ZNF474: variants seen among roughly 807,000 people sequenced by gnomAD.
ZNF474 encodes 4933409D10Rik.
For missense variants in ZNF474, 511 were observed against 433.8 expected (o/e 1.18, Z -1.58); for synonymous variants, 192 against 162.2 (o/e 1.18, Z -1.39).
At chr5:122,134,404 T>G (rs76932768) in intron 1 of ZNF474, among the ~76,000 whole-genome samples, 1,572 of 152,316 alleles carry the variant, frequency 0.01, 27 homozygotes, top group African/African-American at 0.036. Flanking sequence ...TCACATTGAT[T>G]AATAACTTGA....
intron 1 of ZNF474, among the ~76,000 whole-genome samples, chr5:122,142,785 G>T (rs142242803): frequency 6.6e-6 from 1 of 152,120 alleles, no homozygotes; most frequent in African/African-American, 2.4e-5. Context: ...TGAGAGATGT[G>T]GGGAGAACAG....
At chr5:122,136,769 C>A (rs1307342113) in intron 1 of ZNF474, among the ~76,000 whole-genome samples, 1 of 152,148 alleles carries the variant, frequency 6.6e-6, no homozygotes, top group African/African-American at 2.4e-5. Context: ...TGTCTGATAA[C>A]ACTTCTTTTC....
At chr5:122,132,750 C>A (rs1337695333) in intron 1 of ZNF474, among the ~76,000 whole-genome samples, 3 of 152,128 alleles carry the variant, frequency 2.0e-5, no homozygotes, top group Admixed American at 6.6e-5. Context: ...TTTCCTCTCT[C>A]CATTGAATTG....
chr5:122,152,007 A>G lies in ZNF474; in HGVS notation c.17A>G (p.Lys6Arg), dbSNP rs1432158751. The G allele has an allele frequency of 2.5e-6, 4 of 1,609,462 alleles. No homozygotes were observed. The highest frequency in any genetic ancestry group is 1.7e-5 in the Admixed American group (1 of 58,840). ...TCTTTGTTAATGGAAAGAGGAAAGA[A>G]GAAAAGAATTTCCAATAAGTTACAA... MERGK[K>R]KRISNKLQQT... Residue 6 changes from lysine (K) to arginine (R), a missense_variant, in exon 2 of 2, where the codon AAG becomes AGG. Lys to Arg is a conservative substitution (Grantham distance 26). Coordinates refer to ENST00000296600, the MANE Select transcript of ZNF474 (RefSeq NM_207317.3).
At chr5:122,136,897 G>C (rs890299128) in intron 1 of ZNF474, among the ~76,000 whole-genome samples, 5 of 152,090 alleles carry the variant, frequency 3.3e-5, no homozygotes, top group Admixed American at 2.6e-4. Flanking sequence ...AATTTATTTT[G>C]TTATGACCTA....
chr5:122,146,992 C>G (rs900047926), intron 1 of ZNF474, among the ~76,000 whole-genome samples: 7 of 152,150 alleles, frequency 4.6e-5, no homozygotes, highest in African/African-American at 1.7e-4. Context: ...AAAGTTGGGG[C>G]TCTATTAATT....
intron 1 of ZNF474, among the ~76,000 whole-genome samples, chr5:122,131,914 G>A (rs1470060184): frequency 2.6e-5 from 4 of 151,920 alleles, no homozygotes; most frequent in Non-Finnish European, 5.9e-5. Flanking sequence ...AAAATTTGAT[G>A]AGTTTTGACA....
chr5:122,138,475 T>G (rs1373161265), intron 1 of ZNF474, among the ~76,000 whole-genome samples: 1 of 152,160 alleles, frequency 6.6e-6, no homozygotes, highest in African/African-American at 2.4e-5. Flanking sequence ...GTTATTTTAG[T>G]GAAATTATTG....
intron 1 of ZNF474, among the ~76,000 whole-genome samples, chr5:122,131,344 A>AAG (rs1458813077): frequency 1.3e-5 from 2 of 151,166 alleles, no homozygotes; most frequent in Non-Finnish European, 3.0e-5. Flanking sequence ...TAGTATATTA[A>AAG]AGAGATATCT....
In ZNF474 at chr5:122,152,238, G is replaced by GC. The variant is rs571187077; in HGVS notation, c.254dup (p.Val86CysfsTer28). On this transcript the variant is annotated frameshift_variant, in exon 2 of 2. Transcript: ENST00000296600. LOFTEE classifies it low-confidence loss of function (END_TRUNC). The stretch of plus-strand genomic sequence containing the variant: ...AGAATTATATCGGAAAGCCAGCTTA[G>GC]CCCCCCTGTGATCCCGGCCCGCAGG... The GC allele has an allele frequency of 4.2e-5, 67 of 1,614,062 alleles. No homozygotes were observed. The highest frequency in any genetic ancestry group is 5.3e-5 in the Non-Finnish European group (62 of 1,180,044).
At chr5:122,141,737 C>G (rs1385587530) in intron 1 of ZNF474, among the ~76,000 whole-genome samples, 2 of 152,218 alleles carry the variant, frequency 1.3e-5, no homozygotes, top group African/African-American at 2.4e-5. Context: ...CTACACCCAG[C>G]TCACAGCACG....
chr5:122,147,491 A>G (rs1009074750), intron 1 of ZNF474, among the ~76,000 whole-genome samples: 1 of 152,110 alleles, frequency 6.6e-6, no homozygotes, highest in Non-Finnish European at 1.5e-5. Flanking sequence ...CATCACTTAC[A>G]TTAGGTATTT....
intron 1 of ZNF474, among the ~76,000 whole-genome samples, chr5:122,151,327 T>G (rs891553588): frequency 6.6e-6 from 1 of 152,204 alleles, no homozygotes; most frequent in Non-Finnish European, 1.5e-5. Context: ...TCCATGTCAC[T>G]AACAAGTTAA....
intron 1 of ZNF474, among the ~76,000 whole-genome samples, chr5:122,148,225 G>T (rs983565656): frequency 6.6e-6 from 1 of 152,204 alleles, no homozygotes; most frequent in Non-Finnish European, 1.5e-5. Context: ...GAAACATTAC[G>T]CATTTCTCCA....
At position 122,129,601 on chromosome 5, in the gene ZNF474, C is replaced by T. The variant is rs536947325; in HGVS notation, c.-295C>T. The T allele has an allele frequency of 6.6e-6, 1 of 152,338 alleles. No individual in the cohort carries two copies. Among genetic ancestry groups the T allele is most frequent in the East Asian group, 1.9e-4 (1 of 5,180 alleles). 9.4% of individuals were successfully genotyped at this position (152,338 alleles called of 1,614,324 possible). A position where few individuals can be genotyped will look rare whatever the true frequency, so the allele number is the denominator to read the frequency against. The stretch of plus-strand genomic sequence containing the variant: ...GGAATGTGAATCTTGGAGCTCCCAG[C>T]TATTCTGTTCCTGTTTCTGTCAGCT... On this transcript the variant is annotated 5_prime_UTR_variant, in exon 1 of 2. Coordinates refer to ENST00000296600, the MANE Select transcript of ZNF474 (RefSeq NM_207317.3).
chr5:122,150,372 C>T (rs1392016874), intron 1 of ZNF474, among the ~76,000 whole-genome samples: 3 of 152,182 alleles, frequency 2.0e-5, no homozygotes, highest in Non-Finnish European at 4.4e-5. Context: ...TGATTTGATA[C>T]TCTTAAAGGC....
In ZNF474 at chr5:122,151,001, C is replaced by T. The variant is rs1484397748; in HGVS notation, c.-212-778C>T. On this transcript the variant is annotated intron_variant, in intron 1 of 1. Transcript: ENST00000296600. ...ATTATAGCTCCACTTTATTAATACC[C>T]TATTCCCATAATAAACAAAAGTGAA... Among the ~76,000 whole-genome samples the T allele has an allele frequency of 5.3e-5, 8 of 152,274 alleles. No homozygotes were observed. The East Asian group carries it at 1.5e-3, about 29-fold the overall frequency.
intron 1 of ZNF474, among the ~76,000 whole-genome samples, chr5:122,133,847 A>G (rs894267394): frequency 9.2e-5 from 14 of 152,374 alleles, no homozygotes; most frequent in African/African-American, 3.4e-4. Context: ...GGCGTGAGCC[A>G]TAGCGCCCAG....
At chr5:122,137,014 A>C (rs1755717580) in intron 1 of ZNF474, among the ~76,000 whole-genome samples, 1 of 152,214 alleles carries the variant, frequency 6.6e-6, no homozygotes, top group Non-Finnish European at 1.5e-5. Context: ...TAAATATTAC[A>C]CATGCAAACA....
Sources: allele counts gnomAD v4.1 joint callset (sites outside exome capture counted in the v4.1 genomes callset), GRCh38; gene constraint gnomAD v4.1.1; transcripts MANE v1.5; gene names NCBI Gene and HGNC (gene_info 2026-07-23, HGNC 2026-07-21).